Variants in NGFR observed in about 807,000 individuals in gnomAD.
NGFR encodes the protein nerve growth factor receptor, also known as tumor necrosis factor receptor superfamily member 16.
Under a neutral mutation model 43.2 loss-of-function variants are expected in NGFR, and 30 were observed. The ratio of observed to expected loss-of-function variants is 0.69; its 90% CI spans 0.52 to 0.94. The LOEUF (loss-of-function observed/expected upper bound fraction) is 0.94. Among genes scored for constraint, NGFR ranks in the 40% least tolerant of loss-of-function variants. NGFR has a pLI of 0.00. For missense variants in NGFR, 529 were observed against 602.5 expected (o/e 0.88, Z 1.28); for synonymous variants, 246 against 259.6 (o/e 0.95, Z 0.50).
chr17:49,508,455 G>C (rs567391937), intron 3 of NGFR, among the ~76,000 whole-genome samples: 53 of 152,288 alleles, frequency 3.5e-4, no homozygotes, highest in South Asian at 1.7e-3. Flanking sequence ...GGCTCTGAAG[G>C]GTTAAATGTC....
intron 1 of NGFR, 64 bp from the exon 2 acceptor site, chr17:49,501,999 A>AGGGGGCCCCCCCC: frequency 6.0e-6 from 2 of 330,984 alleles, no homozygotes; most frequent in Non-Finnish European, 1.2e-5. Flanking sequence ...TCCCCGGAAG[A>AGGGGGCCCCCCCC]ACCCCCCCCA....
chr17:49,506,285 T>C lies in NGFR; in HGVS notation c.209-14T>C. The C allele has an allele frequency of 6.5e-7, 1 of 1,529,718 alleles. No individual in the cohort carries two copies. Among genetic ancestry groups the C allele is most frequent in the Non-Finnish European group, 8.8e-7 (1 of 1,140,586 alleles). 94.8% of individuals were successfully genotyped at this position (1,529,718 alleles called of 1,614,324 possible). ...AAAGAGCAGACGACTAAATCTGGTGTCCGCTGCGCTCAGGCGTGACGTTCT... is the reference window on the plus strand; with the variant it reads ...AAAGAGCAGACGACTAAATCTGGTGCCCGCTGCGCTCAGGCGTGACGTTCT... On this transcript the variant is annotated splice_polypyrimidine_tract_variant and intron_variant, in intron 2 of 5. Transcript: ENST00000172229.
In NGFR at chr17:49,512,922, C is replaced by T. The variant is rs778547434; in HGVS notation, c.1197C>T (p.Asp399=). 20 of 1,612,112 alleles carry T rather than the reference C, an allele frequency of 1.2e-5. No homozygotes were observed. The highest frequency in any genetic ancestry group is 1.6e-4 in the Middle Eastern group (1 of 6,072). Residue 399 remains aspartate (D), a synonymous_variant, in exon 6 of 6, where the codon GAC becomes GAT. Coordinates refer to ENST00000172229, the MANE Select transcript of NGFR (RefSeq NM_002507.4). The surrounding 1 kb of genome is among the most constrained non-coding windows in gnomAD (Gnocchi z 5.2). The stretch of plus-strand genomic sequence containing the variant: ...CCACCCAGGACAGCGCCACACTGGA[C>T]GCCCTCCTGGCCGCCCTGCGCCGCA... ...SWATQDSATL[D]ALLAALRRIQ... is the part of the protein sequence containing the mutation.
Position 49,499,987 on chromosome 17 carries a change from C to T in NGFR, c.67-2076C>T, listed in dbSNP as rs116047224. On this transcript the variant is annotated intron_variant, in intron 1 of 5. Transcript: ENST00000172229. ...GGGGGAAGGGTTGCTTCAGGTCACA[C>T]TCTGGTAGCAGCAAGAAGTGACAAC... is the stretch of plus-strand genomic sequence containing the variant. 2.8e-3 allele frequency among the ~76,000 whole-genome samples: 430 copies of T among 150,982 alleles called. 3 individuals carry two copies. The highest frequency in any genetic ancestry group is 9.9e-3 in the African/African-American group (407 of 40,920).
chr17:49,506,294 C>T lies in NGFR; in HGVS notation c.209-5C>T, dbSNP rs774916708. On this transcript the variant is annotated splice_region_variant and splice_polypyrimidine_tract_variant and intron_variant, in intron 2 of 5. Coordinates refer to ENST00000172229, the MANE Select transcript of NGFR (RefSeq NM_002507.4). ...ACGACTAAATCTGGTGTCCGCTGCGCTCAGGCGTGACGTTCTCCGACGTGG... is the reference window on the plus strand; with the variant it reads ...ACGACTAAATCTGGTGTCCGCTGCGTTCAGGCGTGACGTTCTCCGACGTGG... 3.9e-6 allele frequency: 6 copies of T among 1,547,236 alleles called. No homozygotes were observed. Among genetic ancestry groups the T allele is most frequent in the South Asian group, 1.2e-5 (1 of 83,906 alleles).
At chr17:49,506,101 C>T (rs1265798698) in intron 2 of NGFR, 198 bp from the exon 3 acceptor site, 3 of 1,104,194 alleles carry the variant, frequency 2.7e-6, no homozygotes, top group East Asian at 2.8e-5. Context: ...TCCGGGCCTC[C>T]TCCCCCTTTC....
rs1400123877 is a variant in NGFR, at chr17:49,512,875, C to T, written c.1150C>T (p.Arg384Cys). The T allele has an allele frequency of 1.4e-5, 22 of 1,613,110 alleles. No individual in the cohort carries two copies. Among genetic ancestry groups the T allele is most frequent in the East Asian group, 4.5e-5 (2 of 44,874 alleles). The change falls in exon 6 of 6, where the codon CGC becomes TGC. Residue 384 changes from arginine (R) to cysteine (C), a missense_variant. Coordinates refer to ENST00000172229, the MANE Select transcript of NGFR (RefSeq NM_002507.4). The surrounding 1 kb of genome is among the most constrained non-coding windows in gnomAD (Gnocchi z 5.2). ...CTTTACCCATGAGGCCTGCCCCGTT[C>T]GCGCCCTGCTTGCAAGCTGGGCCAC... Reference protein sequence around the residue: ...DSFTHEACPVRALLASWATQD... With the variant: ...DSFTHEACPVCALLASWATQD...
At position 49,510,673 on chromosome 17, in the gene NGFR, G is replaced by C. The variant is rs371037632; in HGVS notation, c.821+9G>C. On this transcript the variant is annotated intron_variant, in intron 4 of 5. Transcript: ENST00000172229. ...TACATAGCCTTCAAGAGGTAAGAGAGGGCACGGTGGCGACAGAGAGGGGAG... is the reference window on the plus strand; with the variant it reads ...TACATAGCCTTCAAGAGGTAAGAGACGGCACGGTGGCGACAGAGAGGGGAG... The C allele has an allele frequency of 3.5e-5, 57 of 1,608,334 alleles. No individual in the cohort carries two copies. The highest frequency in any genetic ancestry group is 4.5e-5 in the Non-Finnish European group (53 of 1,175,270).
At chr17:49,506,698 G>GGGGGGGGGGGCC in intron 3 of NGFR, 40 bp downstream of exon 3, 1 of 423,476 alleles carries the variant, frequency 2.4e-6, no homozygotes, top group Non-Finnish European at 4.0e-6. Flanking sequence ...GGGGGTGCGG[G>GGGGGGGGGGGCC]GGTGGGCTGG....
intron 1 of NGFR, chr17:49,497,497 G>A (rs749616717): frequency 5.2e-5 from 8 of 152,430 alleles, no homozygotes; most frequent in African/African-American, 9.6e-5. Context: ...CAAGGAAGGA[G>A]GGGAGCTGGG....
chr17:49,506,321 G>A lies in NGFR; in HGVS notation c.231G>A (p.Val77=). Residue 77 remains valine (V), a synonymous_variant, in exon 3 of 6, where the codon GTG becomes GTA. Coordinates refer to ENST00000172229, the MANE Select transcript of NGFR (RefSeq NM_002507.4). ...CLDSVTFSDV[V]SATEPCKPCT... ...CAGGCGTGACGTTCTCCGACGTGGTGAGCGCGACCGAGCCGTGCAAGCCGT... is the reference window on the plus strand; with the variant it reads ...CAGGCGTGACGTTCTCCGACGTGGTAAGCGCGACCGAGCCGTGCAAGCCGT... 6.4e-7 allele frequency: 1 copy of A among 1,570,360 alleles called. No individual in the cohort carries two copies. The highest frequency in any genetic ancestry group is 8.6e-7 in the Non-Finnish European group (1 of 1,159,384).
At chr17:49,500,453 G>A (rs1302425590) in intron 1 of NGFR, among the ~76,000 whole-genome samples, 1 of 152,224 alleles carries the variant, frequency 6.6e-6, no homozygotes, top group East Asian at 1.9e-4. Flanking sequence ...TCCAATGAGG[G>A]AGTCTATAAA....
At chr17:49,502,007 C>CA (rs1357484098) in intron 1 of NGFR, 56 bp from the exon 2 acceptor site, 2 of 667,466 alleles carry the variant, frequency 3.0e-6, no homozygotes, top group Admixed American at 5.8e-5. Flanking sequence ...AGAACCCCCC[C>CA]CAACCCACCC....
In NGFR at chr17:49,514,966, C is replaced by G. The variant is rs2071260610; in HGVS notation, c.*1957C>G. 6.6e-6 allele frequency: 1 copy of G among 152,004 alleles called. No homozygotes were observed. The highest frequency in any genetic ancestry group is 2.4e-5 in the African/African-American group (1 of 41,334). 9.4% of individuals were successfully genotyped at this position (152,004 alleles called of 1,614,324 possible). On this transcript the variant is annotated 3_prime_UTR_variant, in exon 6 of 6. Transcript: ENST00000172229. Reference sequence around the variant, plus strand: ...CTTGGGCCCTCCTGAAACTTACACACAAAACGTTAAGTGATGAACATTAAA... The same window carrying G: ...CTTGGGCCCTCCTGAAACTTACACAGAAAACGTTAAGTGATGAACATTAAA...
At chr17:49,504,237 G>A (rs2071183416) in intron 2 of NGFR, among the ~76,000 whole-genome samples, 1 of 152,158 alleles carries the variant, frequency 6.6e-6, no homozygotes, top group African/African-American at 2.4e-5. Flanking sequence ...GGAGTTTTCT[G>A]CTAATTTTCT....
At chr17:49,509,172 T>C (rs1344519165) in intron 3 of NGFR, among the ~76,000 whole-genome samples, 1 of 152,210 alleles carries the variant, frequency 6.6e-6, no homozygotes, top group Non-Finnish European at 1.5e-5. Flanking sequence ...TAGATTCACA[T>C]CTGGGGGCTT....
rs1403933624 is a variant in NGFR, at chr17:49,512,182, T to C, written c.982+130T>C. Reference sequence around the variant, plus strand: ...GCTCAGCGGTGCCCCTGTAGATGGATGGAGAGGCTGGCCGAGGGGAATGGG... The same window carrying C: ...GCTCAGCGGTGCCCCTGTAGATGGACGGAGAGGCTGGCCGAGGGGAATGGG... On this transcript the variant is annotated intron_variant, in intron 5 of 5. Coordinates refer to ENST00000172229, the MANE Select transcript of NGFR (RefSeq NM_002507.4). The surrounding 1 kb of genome is among the most constrained non-coding windows in gnomAD (Gnocchi z 5.2). 3.2e-5 allele frequency: 37 copies of C among 1,155,274 alleles called. No homozygotes were observed. Among genetic ancestry groups the C allele is most frequent in the Non-Finnish European group, 3.6e-5 (30 of 841,952 alleles). The allele number at this position is 1,155,274 out of a possible 1,614,324, so 71.6% of individuals were successfully genotyped here.
intron 3 of NGFR, among the ~76,000 whole-genome samples, 193 bp downstream of exon 3, chr17:49,506,851 C>A (rs915963723): frequency 2.0e-5 from 3 of 152,192 alleles, no homozygotes; most frequent in Non-Finnish European, 4.4e-5. Flanking sequence ...CATTCCCCAT[C>A]CTGTCTCAGC....
chr17:49,502,575 C>T (rs1256051417), intron 2 of NGFR, among the ~76,000 whole-genome samples: 3 of 152,108 alleles, frequency 2.0e-5, no homozygotes, highest in South Asian at 2.1e-4. Flanking sequence ...CACTTATCCC[C>T]GGTGTGTTTG....
Sources: gnomAD v4.1 joint callset for allele counts (sites outside exome capture counted in the v4.1 genomes callset) on GRCh38, gnomAD v4.1.1 for gene constraint, Gnocchi (gnomAD v3.1) non-coding constraint, MANE v1.5 for transcripts, NCBI Gene and HGNC (gene_info 2026-07-23, HGNC 2026-07-21) for gene names.